CBL: variants seen among roughly 807,000 people sequenced by gnomAD.
CBL encodes the protein E3 ubiquitin-protein ligase CBL.
A neutral mutation model predicts 96.9 loss-of-function variants in CBL; 45 were observed. The ratio of observed to expected loss-of-function variants is 0.46; its 90% CI spans 0.37 to 0.60. The LOEUF (loss-of-function observed/expected upper bound fraction) is 0.60, where lower values mean the gene tolerates loss of function less well. Ranked by LOEUF, CBL falls within the 20% of genes least tolerant of loss-of-function variation. The pLI, the probability that CBL is intolerant of heterozygous loss-of-function variation, is 0.00. For synonymous variants in CBL, 420 were observed against 426.8 expected, an observed-to-expected ratio of 0.98 and a Z score of 0.20; for missense variants, 1,024 against 1,143.5, an observed-to-expected ratio of 0.90 and a Z score of 1.51.
intron 2 of CBL, among the ~76,000 whole-genome samples, chr11:119,265,225 T>A (rs1949792677): frequency 6.6e-6 from 1 of 152,238 alleles, no homozygotes; most frequent in Non-Finnish European, 1.5e-5. Flanking sequence ...CTTCTCTTTT[T>A]AAATACCATA....
chr11:119,281,512 T>G (rs936982468), intron 9 of CBL, among the ~76,000 whole-genome samples: 1 of 132,110 alleles, frequency 7.6e-6, no homozygotes, highest in Non-Finnish European at 1.6e-5. Flanking sequence ...TTTTTTTTTT[T>G]GAGACAGAAT....
intron 1 of CBL, among the ~76,000 whole-genome samples, chr11:119,230,176 G>C (rs1949490628): frequency 6.6e-6 from 1 of 150,590 alleles, no homozygotes; most frequent in African/African-American, 2.4e-5. Context: ...TTTTGAGACG[G>C]AGTCTTGCTC....
At chr11:119,232,331 T>G (rs761678379) in intron 1 of CBL, 117 bp from the exon 2 acceptor site, 1 of 1,128,892 alleles carries the variant, frequency 8.9e-7, no homozygotes, top group Admixed American at 1.9e-5. Context: ...TCTTATATTC[T>G]CATGTATTTT....
chr11:119,227,852 C>T (rs2054531062), intron 1 of CBL, among the ~76,000 whole-genome samples: 1 of 152,068 alleles, frequency 6.6e-6, no homozygotes, highest in African/African-American at 2.4e-5. Flanking sequence ...GCCCCGCAAA[C>T]CTTATAATTT....
intron 2 of CBL, among the ~76,000 whole-genome samples, chr11:119,264,432 TCTTCTCTTCTTTCTC>T (rs1333991493): frequency 6.3e-4 from 63 of 99,884 alleles, no homozygotes; most frequent in African/African-American, 2.1e-3. Context: ...TCTTCTCTTC[TCTTCTCTTCTTTCTC>T]TTCTCTTCTC....
At chr11:119,282,808 C>T (rs942128596) in intron 9 of CBL, among the ~76,000 whole-genome samples, 1 of 152,010 alleles carries the variant, frequency 6.6e-6, no homozygotes, top group Non-Finnish European at 1.5e-5. Flanking sequence ...CACGGCCACC[C>T]GCGGTGGCTC....
At chr11:119,267,584 C>T (rs561389575) in intron 2 of CBL, among the ~76,000 whole-genome samples, 142 of 152,316 alleles carry the variant, frequency 9.3e-4, no homozygotes, top group African/African-American at 3.2e-3. Context: ...CCCTAAACAG[C>T]AATCCTGCAT....
intron 2 of CBL, among the ~76,000 whole-genome samples, chr11:119,239,069 A>G (rs2135271079): frequency 6.6e-6 from 1 of 152,282 alleles, no homozygotes; most frequent in Non-Finnish European, 1.5e-5. Flanking sequence ...TCCCAAGCTC[A>G]GGTGATCCTC....
intron 1 of CBL, among the ~76,000 whole-genome samples, chr11:119,220,466 G>A (rs972275777): frequency 2.6e-5 from 4 of 152,226 alleles, no homozygotes; most frequent in African/African-American, 9.6e-5. Context: ...GCCAGGTGTG[G>A]CACATGCCTG....
chr11:119,261,169 C>G (rs1949751185), intron 2 of CBL, among the ~76,000 whole-genome samples: 1 of 151,910 alleles, frequency 6.6e-6, no homozygotes, highest in Non-Finnish European at 1.5e-5. Context: ...CTGCCTTGGC[C>G]TCCCAAAGTG....
At chr11:119,294,491 A>G (rs1284968763) in intron 12 of CBL, among the ~76,000 whole-genome samples, 2 of 150,828 alleles carry the variant, frequency 1.3e-5, no homozygotes, top group Non-Finnish European at 3.0e-5. Context: ...GTTAACTAAA[A>G]TTTAGAAAAT....
In CBL at chr11:119,206,461, G is replaced by A; in HGVS notation, c.44G>A (p.Ser15Asn). 2 of 1,580,938 alleles carry A rather than the reference G, an allele frequency of 1.3e-6. No individual in the cohort carries two copies. Among genetic ancestry groups the A allele is most frequent in the Non-Finnish European group, 1.7e-6 (2 of 1,167,334 alleles). Residue 15 changes from serine to asparagine, a missense_variant, in exon 1 of 16, where the codon AGC becomes AAC. Around this residue, in one of 4 missense-constraint regions of CBL, gnomAD observed 114 missense variants for 117.4 expected, o/e 0.97. Coordinates refer to ENST00000264033, the MANE Select transcript of CBL (RefSeq NM_005188.4). ...AAGAGCTCTGGGGCCGGGGGCGGCA[G>A]CGGCTCCGGGGGCTCGGGTTCGGGT... The part of the protein sequence containing the change: ...VKKSSGAGGG[S>N]GSGGSGSGGL...
At chr11:119,294,910 C>G (rs1414426738) in intron 12 of CBL, among the ~76,000 whole-genome samples, 1 of 152,090 alleles carries the variant, frequency 6.6e-6, no homozygotes, top group Non-Finnish European at 1.5e-5. Flanking sequence ...GCCATTCTTC[C>G]TTGTATGAAA....
rs1157078871 is a variant in CBL, at chr11:119,258,655, A to G, written c.444-13080A>G. Among the ~76,000 whole-genome samples the G allele has an allele frequency of 3.3e-5, 5 of 152,172 alleles. No individual in the cohort carries two copies. The East Asian group carries it at 5.8e-4, about 18-fold the overall frequency. On this transcript the variant is annotated intron_variant, in intron 2 of 15. Coordinates refer to ENST00000264033, the MANE Select transcript of CBL (RefSeq NM_005188.4). ...TCTATGTATCTTTCTTTATACCTGT[A>G]CCATACTGTTTTGGTTACTATAGCC...
intron 12 of CBL, among the ~76,000 whole-genome samples, chr11:119,289,004 GC>G (rs1360839929): frequency 2.0e-5 from 3 of 152,042 alleles, no homozygotes; most frequent in Non-Finnish European, 2.9e-5. Flanking sequence ...CTCATATGTT[GC>G]CTGATTTTCA....
intron 9 of CBL, among the ~76,000 whole-genome samples, chr11:119,280,828 C>T (rs776587153): frequency 6.6e-6 from 1 of 152,146 alleles, no homozygotes; most frequent in Non-Finnish European, 1.5e-5. Context: ...TCCCTCCTCC[C>T]TACTCCATAT....
intron 2 of CBL, among the ~76,000 whole-genome samples, chr11:119,263,748 G>T (rs1949772971): frequency 6.6e-6 from 1 of 152,200 alleles, no homozygotes; most frequent in African/African-American, 2.4e-5. Context: ...GTGGAAAACA[G>T]TTCCGTTGTA....
chr11:119,275,934 G>T lies in CBL; in HGVS notation c.870-63G>T, dbSNP rs548959648. Reference sequence around the variant, plus strand: ...TTCTTTTGATTTTTGTCTGTATCTTGCCTTGCCTTCCACCGTAATACCAGC... The same window carrying T: ...TTCTTTTGATTTTTGTCTGTATCTTTCCTTGCCTTCCACCGTAATACCAGC... On this transcript the variant is annotated intron_variant, in intron 5 of 15. Transcript: ENST00000264033. 11 of 1,447,300 alleles carry T rather than the reference G, an allele frequency of 7.6e-6. No homozygotes were observed. The South Asian group carries it at 8.0e-5, about 10-fold the overall frequency. 89.7% of individuals were successfully genotyped at this position (1,447,300 alleles called of 1,614,324 possible). A position where few individuals can be genotyped will look rare whatever the true frequency, so the allele number is the denominator to read the frequency against.
At chr11:119,284,527 G>A (rs955256354) in intron 9 of CBL, among the ~76,000 whole-genome samples, 8 of 152,062 alleles carry the variant, frequency 5.3e-5, no homozygotes, top group Non-Finnish European at 8.8e-5. Context: ...TCGAACTCCT[G>A]CCTCCCAAAA....
Sources: allele counts gnomAD v4.1 joint callset (sites outside exome capture counted in the v4.1 genomes callset), GRCh38; gene constraint gnomAD v4.1.1; regional missense constraint gnomAD v4.1.1; transcripts MANE v1.5; gene names NCBI Gene and HGNC (gene_info 2026-07-23, HGNC 2026-07-21).